Variants in ANGPT2 observed in about 807,000 individuals in gnomAD.
ANGPT2 encodes angiopoietin-2.
In ANGPT2, 28 loss-of-function variants were observed where a neutral mutation model predicts 62.9. The ratio of observed to expected loss-of-function variants is 0.44; its 90% CI spans 0.33 to 0.61. The LOEUF (loss-of-function observed/expected upper bound fraction) is 0.61, where lower values mean the gene tolerates loss of function less well. ANGPT2 is among the 20% of genes least tolerant of loss of function. ANGPT2 has a pLI of 0.03. For synonymous variants in ANGPT2, 284 were observed against 207.8 expected (o/e 1.37, Z -3.15); for missense variants, 727 against 594.9 (o/e 1.22, Z -2.31).
In ANGPT2 at chr8:6,509,662, C is replaced by G. The variant is rs549536548; in HGVS notation, c.1197-600G>C. On this transcript the variant is annotated intron_variant, in intron 7 of 8. Transcript: ENST00000629816. ...AGTAAGTTAGACACTATTTACAATA[C>G]AGACGATCCCTGACTTCCCATGGGG... Among the ~76,000 whole-genome samples, 8 of 152,318 alleles carry G rather than the reference C, an allele frequency of 5.3e-5. No individual in the cohort carries two copies. In the South Asian group the frequency reaches 1.4e-3, roughly 28 times the overall value.
chr8:6,529,083 G>A (rs1175634291), intron 2 of ANGPT2, among the ~76,000 whole-genome samples: 2 of 152,182 alleles, frequency 1.3e-5, no homozygotes, highest in African/African-American at 4.8e-5. Context: ...CCGTGTGGAG[G>A]CAGGGAAGGA....
chr8:6,548,938 T>A (rs555635253), intron 1 of ANGPT2, among the ~76,000 whole-genome samples: 1 of 152,224 alleles, frequency 6.6e-6, no homozygotes, highest in Non-Finnish European at 1.5e-5. Context: ...TAACCTCTGG[T>A]TATAACCTGG....
In ANGPT2 at chr8:6,501,196, A is replaced by G. The variant is rs1812109348; in HGVS notation, c.*1905T>C. On this transcript the variant is annotated 3_prime_UTR_variant, in exon 9 of 9. Coordinates refer to ENST00000629816, the MANE Select transcript of ANGPT2 (RefSeq NM_001118887.2). ...CAGAGCCTTGACTTTGCCAGAGTCC[A>G]TCATTGACTCCAAATATGTAGCAAC... 1 of 152,234 alleles carries G rather than the reference A, an allele frequency of 6.6e-6. No individual in the cohort carries two copies. Among genetic ancestry groups the G allele is most frequent in the African/African-American group, 2.4e-5 (1 of 41,472 alleles). 9.4% of individuals were successfully genotyped at this position (152,234 alleles called of 1,614,324 possible). A position where few individuals can be genotyped will look rare whatever the true frequency, so the allele number is the denominator to read the frequency against.
chr8:6,512,891 C>G (rs750900784), intron 7 of ANGPT2, among the ~76,000 whole-genome samples: 1 of 152,222 alleles, frequency 6.6e-6, no homozygotes, highest in Non-Finnish European at 1.5e-5. Context: ...AACCATCCCA[C>G]CTAACTCTGC....
At chr8:6,513,923 A>C in intron 6 of ANGPT2, 79 bp from the exon 7 acceptor site, 1 of 1,277,318 alleles carries the variant, frequency 7.8e-7, no homozygotes, top group Non-Finnish European at 1.1e-6. Context: ...CCGTCAACTT[A>C]ACATAGAATA....
intron 8 of ANGPT2, among the ~76,000 whole-genome samples, chr8:6,504,627 C>G (rs968639555): frequency 2.6e-5 from 4 of 152,028 alleles, no homozygotes; most frequent in African/African-American, 9.7e-5. Flanking sequence ...AAAGTGCTTC[C>G]TTTAAGTGAA....
At chr8:6,511,382 G>C (rs137966871) in intron 7 of ANGPT2, among the ~76,000 whole-genome samples, 3 of 152,102 alleles carry the variant, frequency 2.0e-5, no homozygotes, top group East Asian at 1.9e-4. Flanking sequence ...TTAAACCTCA[G>C]TGTTATATAA....
chr8:6,500,020 A>T lies in ANGPT2; in HGVS notation c.*3081T>A. The T allele has an allele frequency of 9.3e-7, 1 of 1,074,272 alleles. No individual in the cohort carries two copies. Among genetic ancestry groups the T allele is most frequent in the Non-Finnish European group, 1.4e-6 (1 of 692,880 alleles). 66.5% of individuals were successfully genotyped at this position (1,074,272 alleles called of 1,614,324 possible). ...TAAGGGTGGACTTAAGTTTTTATCC[A>T]GTCAAGCACAATTATGCCCATAATT... On this transcript the variant is annotated 3_prime_UTR_variant, in exon 9 of 9. Transcript: ENST00000629816.
rs1586312480 is a variant in ANGPT2 at position 6,519,733 on chromosome 8, A to G, written c.927+131T>C. On this transcript the variant is annotated intron_variant, in intron 5 of 8. Transcript: ENST00000629816. ...AGCACTCTAGGCGAGGTAGCTGCCCAGTAACTATGGCTTTGTACTGTGTGA... is the reference window on the plus strand; with the variant it reads ...AGCACTCTAGGCGAGGTAGCTGCCCGGTAACTATGGCTTTGTACTGTGTGA... The G allele has an allele frequency of 6.1e-6, 7 of 1,138,672 alleles. No homozygotes were observed. In the East Asian group the frequency reaches 1.8e-4, roughly 29 times the overall value. The allele number at this position is 1,138,672 out of a possible 1,614,324, so 70.5% of individuals were successfully genotyped here. A position where few individuals can be genotyped will look rare whatever the true frequency, so the allele number is the denominator to read the frequency against.
At chr8:6,542,007 CAAA>C (rs764731302) in intron 1 of ANGPT2, among the ~76,000 whole-genome samples, 2 of 57,226 alleles carry the variant, frequency 3.5e-5, no homozygotes, top group African/African-American at 6.1e-5. Flanking sequence ...GACTCAATCT[CAAA>C]AAAAAAAAAA....
intron 1 of ANGPT2, among the ~76,000 whole-genome samples, chr8:6,557,356 G>A (rs1017850339): frequency 6.6e-6 from 1 of 152,250 alleles, no homozygotes; most frequent in East Asian, 1.9e-4. Context: ...ATATTCTCGG[G>A]GCAAAATGAG....
At chr8:6,522,772 T>C (rs1302271327) in intron 3 of ANGPT2, among the ~76,000 whole-genome samples, 1 of 130,050 alleles carries the variant, frequency 7.7e-6, no homozygotes, top group Non-Finnish European at 1.6e-5. Flanking sequence ...AGACATCGTC[T>C]CAAAAAAAAA....
At chr8:6,537,017 A>G (rs1238040225) in intron 1 of ANGPT2, among the ~76,000 whole-genome samples, 1 of 150,370 alleles carries the variant, frequency 6.7e-6, no homozygotes, top group Non-Finnish European at 1.5e-5. Flanking sequence ...GCCATCCTCC[A>G]CTGGCAGCAC....
chr8:6,551,114 C>T (rs1405064761), intron 1 of ANGPT2, among the ~76,000 whole-genome samples: 1 of 152,188 alleles, frequency 6.6e-6, no homozygotes, highest in African/African-American at 2.4e-5. Context: ...GGCTCCTGGG[C>T]CCCTGACTCG....
intron 1 of ANGPT2, among the ~76,000 whole-genome samples, chr8:6,555,807 C>T (rs1824509260): frequency 6.6e-6 from 1 of 152,154 alleles, no homozygotes. Context: ...ATAGTTGTAC[C>T]AATTATACCA....
intron 7 of ANGPT2, among the ~76,000 whole-genome samples, chr8:6,510,557 A>G (rs2129566526): frequency 6.6e-6 from 1 of 152,304 alleles, no homozygotes; most frequent in African/African-American, 2.4e-5. Flanking sequence ...TGCACACTGG[A>G]TGCTTATAAC....
intron 8 of ANGPT2, chr8:6,507,970 T>C (rs1814123716): frequency 6.6e-6 from 1 of 152,244 alleles, no homozygotes; most frequent in Non-Finnish European, 1.5e-5. Context: ...AAGTGACTAC[T>C]ACAATGGTTT....
intron 1 of ANGPT2, among the ~76,000 whole-genome samples, chr8:6,534,644 A>T (rs972982493): frequency 2.6e-5 from 4 of 152,226 alleles, no homozygotes; most frequent in African/African-American, 7.2e-5. Context: ...AAAAATTTTT[A>T]AAAATTTAAA....
intron 3 of ANGPT2, among the ~76,000 whole-genome samples, chr8:6,524,252 A>G (rs149298129): frequency 1.4e-4 from 21 of 152,340 alleles, no homozygotes; most frequent in East Asian, 7.7e-4. Flanking sequence ...AAATATGTCA[A>G]TGATGGCATC....
Sources: gnomAD v4.1 joint callset for allele counts (sites outside exome capture counted in the v4.1 genomes callset) on GRCh38, gnomAD v4.1.1 for gene constraint, MANE v1.5 for transcripts, NCBI Gene and HGNC (gene_info 2026-07-23, HGNC 2026-07-21) for gene names.